Variants in NAPB observed in about 807,000 individuals in gnomAD.
The protein encoded by NAPB is beta-soluble NSF attachment protein.
Under a neutral mutation model 44.7 loss-of-function variants are expected in NAPB, and 26 were observed. The ratio of observed to expected loss-of-function variants is 0.58; its 90% CI spans 0.43 to 0.81. The LOEUF (loss-of-function observed/expected upper bound fraction) is 0.81. Ranked by LOEUF, NAPB falls within the 30% of genes least tolerant of loss-of-function variation. NAPB has a pLI of 0.00. For missense variants in NAPB, 315 were observed against 356.4 expected (o/e 0.88, Z 0.94); for synonymous variants, 120 against 116.8 (o/e 1.03, Z -0.18).
At chr20:23,421,020 G>T (rs1191249632) in intron 1 of NAPB, among the ~76,000 whole-genome samples, 1 of 151,242 alleles carries the variant, frequency 6.6e-6, no homozygotes, top group Non-Finnish European at 1.5e-5. Flanking sequence ...GTGCGCGTGG[G>T]GGCTGAGAGC....
chr20:23,399,831 G>C (rs757281986), intron 2 of NAPB, among the ~76,000 whole-genome samples: 2 of 152,220 alleles, frequency 1.3e-5, no homozygotes, highest in African/African-American at 2.4e-5. Context: ...CTTGGACTTC[G>C]CAAGTAAAGT....
chr20:23,380,528 C>CTTTTTT (rs11387171), intron 8 of NAPB: 1 of 145,862 alleles, frequency 6.9e-6, no homozygotes, highest in South Asian at 2.1e-4. Flanking sequence ...TAATTTCTTT[C>CTTTTTT]TTTTTTTTTT....
rs147871491 is a variant in NAPB at position 23,383,144 on chromosome 20, A to G, written c.562-1827T>C. ...AACTGGCACGCCTGGGCGACAGAGC[A>G]AGACTCGGTCTCAAAAAAAAAAAAA... On this transcript the variant is annotated intron_variant, in intron 7 of 10. Transcript: ENST00000377026. Among the ~76,000 whole-genome samples the G allele has an allele frequency of 2.7e-3, 393 of 143,940 alleles. 3 individuals are homozygous for G. The highest frequency in any genetic ancestry group is 9.8e-3 in the African/African-American group (375 of 38,140). The allele number at this position is 143,940 out of a possible 152,430, so 94.4% of individuals were successfully genotyped here.
At chr20:23,391,713 T>C (rs942605390) in intron 5 of NAPB, among the ~76,000 whole-genome samples, 3 of 152,226 alleles carry the variant, frequency 2.0e-5, no homozygotes, top group Non-Finnish European at 4.4e-5. Flanking sequence ...AATAAAACTA[T>C]ATTTATGAAC....
chr20:23,420,731 G>C (rs6048793), intron 1 of NAPB, among the ~76,000 whole-genome samples: 12,057 of 152,154 alleles, frequency 0.079, 1,124 homozygotes, highest in African/African-American at 0.22. Context: ...GACCTTCTAG[G>C]TCGTGGGACC....
chr20:23,404,080 A>T (rs914424297), intron 1 of NAPB, among the ~76,000 whole-genome samples: 1 of 152,242 alleles, frequency 6.6e-6, no homozygotes, highest in African/African-American at 2.4e-5. Flanking sequence ...ACTGAGGGAC[A>T]GCTTTAAGCT....
chr20:23,376,901 A>C lies in NAPB; in HGVS notation c.*475T>G, dbSNP rs1056206058. 1.3e-5 allele frequency: 2 copies of C among 152,246 alleles called. No individual in the cohort carries two copies. Among genetic ancestry groups the C allele is most frequent in the African/African-American group, 4.8e-5 (2 of 41,458 alleles). The allele number at this position is 152,246 out of a possible 1,614,324, so 9.4% of individuals were successfully genotyped here. ...ATCAAAATAATCACAGGATAACAAA[A>C]ATAGAAATGATTTCTAATGAAGTTA... is the stretch of plus-strand genomic sequence containing the variant. On this transcript the variant is annotated 3_prime_UTR_variant, in exon 11 of 11. Transcript: ENST00000377026.
intron 1 of NAPB, among the ~76,000 whole-genome samples, chr20:23,414,997 A>T (rs1293718575): frequency 6.6e-6 from 1 of 152,290 alleles, no homozygotes; most frequent in East Asian, 1.9e-4. Context: ...TAATTCATAC[A>T]TGAATTAAGA....
intron 5 of NAPB, among the ~76,000 whole-genome samples, chr20:23,392,291 G>A (rs770413917): frequency 2.0e-5 from 3 of 152,006 alleles, no homozygotes; most frequent in Non-Finnish European, 2.9e-5. Flanking sequence ...TTTTCTTCCA[G>A]ACTATTTCTG....
rs564509593 is a variant in NAPB, at chr20:23,408,046, A to G, written c.99-4974T>C. ...GGCTGACAACTCCTGAGATAGAAAT[A>G]AAGTTGCCTCTAAAATCACAAGATA... On this transcript the variant is annotated intron_variant, in intron 1 of 10. Coordinates refer to ENST00000377026, the MANE Select transcript of NAPB (RefSeq NM_022080.3). 8.5e-4 allele frequency among the ~76,000 whole-genome samples: 129 copies of G among 152,360 alleles called. 1 individual carries two copies. Among genetic ancestry groups the G allele is most frequent in the African/African-American group, 3.0e-3 (124 of 41,588 alleles).
At chr20:23,383,939 TA>T (rs1174752124) in intron 7 of NAPB, among the ~76,000 whole-genome samples, 1 of 152,202 alleles carries the variant, frequency 6.6e-6, no homozygotes, top group Non-Finnish European at 1.5e-5. Flanking sequence ...AAGATTTCTA[TA>T]TTTCACCAGA....
At chr20:23,385,735 AAGAGAAAGAGAGAG>A (rs1432461925) in intron 7 of NAPB, among the ~76,000 whole-genome samples, 3 of 127,306 alleles carry the variant, frequency 2.4e-5, no homozygotes, top group Non-Finnish European at 5.0e-5. Flanking sequence ...GAAGAGAAAG[AAGAGAAAGAGAGAG>A]AGAGAAAGAG....
intron 2 of NAPB, among the ~76,000 whole-genome samples, chr20:23,398,229 G>A (rs2424534): frequency 0.3 from 45,222 of 151,942 alleles, 6,769 homozygotes; most frequent in Middle Eastern, 0.38. Context: ...GAAATGGAGA[G>A]GAAAGAATCT....
At chr20:23,386,097 G>GAAATC (rs1159139670) in intron 7 of NAPB, among the ~76,000 whole-genome samples, 2 of 152,050 alleles carry the variant, frequency 1.3e-5, no homozygotes, top group African/African-American at 4.8e-5. Flanking sequence ...AGTCTCAAGG[G>GAAATC]AAATCAATAA....
chr20:23,381,276 A>G lies in NAPB; in HGVS notation c.603T>C (p.Ser201=), dbSNP rs746058131. 7 of 1,609,972 alleles carry G rather than the reference A, an allele frequency of 4.3e-6. No homozygotes were observed. The highest frequency in any genetic ancestry group is 5.1e-6 in the Non-Finnish European group (6 of 1,178,454). ...CAGCTTTGAAGAAGTAATCCTTTGC[A>G]CTGTATTTCAACAAAGGATTATCCA... is the stretch of plus-strand genomic sequence containing the variant. ...NTMDNPLLKY[S]AKDYFFKAAL... is the part of the protein sequence containing the mutation. Residue 201 remains serine (S), a synonymous_variant, in exon 8 of 11, where the codon AGT becomes AGC. Transcript: ENST00000377026.
intron 9 of NAPB, 88 bp downstream of exon 9, chr20:23,379,779 T>C: frequency 9.9e-7 from 1 of 1,005,786 alleles, no homozygotes; most frequent in Non-Finnish European, 1.5e-6. Context: ...CTTTATAGAT[T>C]AAAACTTCAC....
intron 2 of NAPB, among the ~76,000 whole-genome samples, chr20:23,402,000 C>G (rs1253926307): frequency 6.6e-6 from 1 of 152,168 alleles, no homozygotes; most frequent in Non-Finnish European, 1.5e-5. Context: ...GAATGTGAAA[C>G]AAACTGTTTT....
At position 23,377,323 on chromosome 20, in the gene NAPB, C is replaced by G. The variant is rs146719240; in HGVS notation, c.*53G>C. Reference sequence around the variant, plus strand: ...AGGCATCCCATAAAGATCACTTGACCCTAAGACAAAACTAAAGAGGAGTTA... The same window carrying G: ...AGGCATCCCATAAAGATCACTTGACGCTAAGACAAAACTAAAGAGGAGTTA... On this transcript the variant is annotated 3_prime_UTR_variant, in exon 11 of 11. Transcript: ENST00000377026. 3 of 1,231,382 alleles carry G rather than the reference C, an allele frequency of 2.4e-6. No homozygotes were observed. In the Admixed American group the frequency reaches 5.9e-5, roughly 24 times the overall value. 76.3% of individuals were successfully genotyped at this position (1,231,382 alleles called of 1,614,324 possible). A position where few individuals can be genotyped will look rare whatever the true frequency, so the allele number is the denominator to read the frequency against.
chr20:23,385,745 G>C (rs1453794431), intron 7 of NAPB, among the ~76,000 whole-genome samples: 2 of 150,016 alleles, frequency 1.3e-5, no homozygotes, highest in Non-Finnish European at 3.0e-5. Context: ...AAGAGAAAGA[G>C]AGAGAGAGAA....
Sources: allele counts gnomAD v4.1 joint callset (sites outside exome capture counted in the v4.1 genomes callset), GRCh38; gene constraint gnomAD v4.1.1; transcripts MANE v1.5; gene names NCBI Gene and HGNC (gene_info 2026-07-23, HGNC 2026-07-21).